Variants in ZYG11B observed in about 807,000 individuals in gnomAD.
The protein encoded by ZYG11B is protein zyg-11 homolog B.
Under a neutral mutation model 82.4 loss-of-function variants are expected in ZYG11B, and 36 were observed. The ratio of observed to expected loss-of-function variants is 0.44; its 90% CI spans 0.33 to 0.58. ZYG11B has a LOEUF of 0.58. Ranked by LOEUF, ZYG11B falls within the 20% of genes least tolerant of loss-of-function variation. ZYG11B has a pLI of 0.02. For missense variants in ZYG11B, 552 were observed against 895.6 expected, an observed-to-expected ratio of 0.62 and a Z score of 4.90; for synonymous variants, 303 against 312.8, an observed-to-expected ratio of 0.97 and a Z score of 0.33.
intron 13 of ZYG11B, among the ~76,000 whole-genome samples, chr1:52,820,070 C>T (rs941031670): frequency 2.6e-5 from 4 of 151,110 alleles, no homozygotes; most frequent in Admixed American, 6.6e-5. Context: ...CCTGCCACCA[C>T]GCCTGGCTAA....
intron 1 of ZYG11B, among the ~76,000 whole-genome samples, chr1:52,750,237 G>C (rs1213517381): frequency 6.6e-6 from 1 of 150,908 alleles, no homozygotes; most frequent in African/African-American, 2.4e-5. Flanking sequence ...TGCTGGGCTT[G>C]CAAGTGTGAG....
intron 2 of ZYG11B, among the ~76,000 whole-genome samples, chr1:52,760,561 T>C (rs1168608983): frequency 6.6e-6 from 1 of 152,204 alleles, no homozygotes; most frequent in Non-Finnish European, 1.5e-5. Context: ...ACTTATTTAC[T>C]CAATTCAAAG....
intron 5 of ZYG11B, among the ~76,000 whole-genome samples, chr1:52,785,831 A>G (rs1176534554): frequency 1.3e-5 from 2 of 152,190 alleles, no homozygotes; most frequent in Non-Finnish European, 2.9e-5. Context: ...AACCAAGTAA[A>G]AATGGCAAGC....
chr1:52,748,360 C>T (rs1337696387), intron 1 of ZYG11B, among the ~76,000 whole-genome samples: 1 of 151,658 alleles, frequency 6.6e-6, no homozygotes. Context: ...CTTTCTGAGC[C>T]TCAGTTTACT....
In ZYG11B at chr1:52,805,016, G is replaced by T. The variant is rs182515810; in HGVS notation, c.1695+2877G>T. 8.2e-3 allele frequency: 1,234 copies of T among 151,112 alleles called. 17 individuals are homozygous for T. The Middle Eastern group carries it at 0.12, about 15-fold the overall frequency. 9.4% of individuals were successfully genotyped at this position (151,112 alleles called of 1,614,324 possible). Reference sequence around the variant, plus strand: ...TGAGGCAGGAGAATCACTTGAACCCGGGAGGCGGGGGTTGCTGTGAGCCGA... The same window carrying T: ...TGAGGCAGGAGAATCACTTGAACCCTGGAGGCGGGGGTTGCTGTGAGCCGA... On this transcript the variant is annotated intron_variant, in intron 10 of 13. Coordinates refer to ENST00000294353, the MANE Select transcript of ZYG11B (RefSeq NM_024646.3).
At position 52,823,284 on chromosome 1, in the gene ZYG11B, T is replaced by C. The variant is rs1354373107; in HGVS notation, c.*1655T>C. The C allele has an allele frequency of 6.6e-6, 1 of 151,488 alleles. No individual in the cohort carries two copies. The highest frequency in any genetic ancestry group is 1.5e-5 in the Non-Finnish European group (1 of 67,934). The allele number at this position is 151,488 out of a possible 1,614,324, so 9.4% of individuals were successfully genotyped here. A position where few individuals can be genotyped will look rare whatever the true frequency, so the allele number is the denominator to read the frequency against. On this transcript the variant is annotated 3_prime_UTR_variant, in exon 14 of 14. Coordinates refer to ENST00000294353, the MANE Select transcript of ZYG11B (RefSeq NM_024646.3). ...GCCTGGGCAACATAGTGAGACTCGGTCTCTACCAAAAAAAAAAATTTTTTT... is the reference window on the plus strand; with the variant it reads ...GCCTGGGCAACATAGTGAGACTCGGCCTCTACCAAAAAAAAAAATTTTTTT...
intron 1 of ZYG11B, among the ~76,000 whole-genome samples, chr1:52,734,477 C>CA (rs1013738648): frequency 1.6e-4 from 23 of 143,952 alleles, no homozygotes; most frequent in South Asian, 4.4e-4. Context: ...GTTGCCATCT[C>CA]AAAAAAAAAT....
At chr1:52,795,668 C>G (rs920323749) in intron 6 of ZYG11B, among the ~76,000 whole-genome samples, 2 of 152,160 alleles carry the variant, frequency 1.3e-5, no homozygotes, top group African/African-American at 4.8e-5. Context: ...TTCAATGAGG[C>G]CTTCCGTAGC....
At chr1:52,772,654 C>A (rs563699897) in intron 3 of ZYG11B, 7 of 825,416 alleles carry the variant, frequency 8.5e-6, no homozygotes, top group Non-Finnish European at 1.5e-5. Flanking sequence ...CCCATGATGG[C>A]GGCGATCAGG....
At chr1:52,747,936 TTTATAGAATTC>T (rs1357380214) in intron 1 of ZYG11B, among the ~76,000 whole-genome samples, 1 of 152,332 alleles carries the variant, frequency 6.6e-6, no homozygotes, top group East Asian at 1.9e-4. Flanking sequence ...TGGAATTTAA[TTTATAGAATTC>T]TTATGAGAAA....
intron 2 of ZYG11B, among the ~76,000 whole-genome samples, chr1:52,766,804 C>T (rs1256570915): frequency 2.0e-5 from 3 of 152,078 alleles, no homozygotes; most frequent in Non-Finnish European, 4.4e-5. Flanking sequence ...GTCAGGAGAT[C>T]AAGACCATCC....
chr1:52,781,268 G>A (rs1644853659), intron 4 of ZYG11B, among the ~76,000 whole-genome samples: 2 of 152,042 alleles, frequency 1.3e-5, no homozygotes, highest in African/African-American at 4.8e-5. Context: ...GGAAGCCAAG[G>A]CAGGCAGATC....
chr1:52,805,113 A>T (rs111856499), intron 10 of ZYG11B: 5,507 of 144,244 alleles, frequency 0.038, 321 homozygotes, highest in African/African-American at 0.14. Flanking sequence ...AAAAAAAAAA[A>T]ATGGAACACT....
At chr1:52,798,773 A>G (rs1474919774) in intron 8 of ZYG11B, among the ~76,000 whole-genome samples, 1 of 152,208 alleles carries the variant, frequency 6.6e-6, no homozygotes, top group East Asian at 1.9e-4. Context: ...TAAGACTAGT[A>G]AACCACGAAA....
chr1:52,748,431 T>A (rs1474891612), intron 1 of ZYG11B, among the ~76,000 whole-genome samples: 5 of 152,262 alleles, frequency 3.3e-5, no homozygotes, highest in Admixed American at 1.3e-4. Flanking sequence ...CATAGGTGGC[T>A]GGCACCACAC....
intron 1 of ZYG11B, among the ~76,000 whole-genome samples, chr1:52,733,115 AG>A (rs1558114466): frequency 6.6e-6 from 1 of 152,192 alleles, no homozygotes; most frequent in Non-Finnish European, 1.5e-5. Context: ...AGTTCTCTGT[AG>A]GATCATCATT....
Position 52,762,730 on chromosome 1 carries a change from C to T in ZYG11B, c.196+6107C>T, listed in dbSNP as rs148658652. On this transcript the variant is annotated intron_variant, in intron 2 of 13. Transcript: ENST00000294353. ...CAAGTAGCTGGGAGTTACAGGTGCC[C>T]GCCACCATGTCCAGCTAATTTTTGT... Among the ~76,000 whole-genome samples the T allele has an allele frequency of 5.4e-4, 82 of 151,846 alleles. 1 individual carries two copies. In the East Asian group the frequency reaches 0.014, roughly 27 times the overall value.
At position 52,756,582 on chromosome 1, in the gene ZYG11B, A is replaced by G. The variant is rs1009426845; in HGVS notation, c.155A>G (p.Gln52Arg). The G allele has an allele frequency of 6.2e-7, 1 of 1,613,986 alleles. No individual in the cohort carries two copies. ...LCLQEPGVFP[Q>R]EVADRLLRTM... The stretch of plus-strand genomic sequence containing the variant: ...CTGCAGGAACCTGGAGTATTCCCAC[A>G]GGAGGTGGCTGATCGACTGCTTCGG... Residue 52 changes from glutamine (Q) to arginine (R), a missense_variant, in exon 2 of 14, where the codon CAG (glutamine) becomes CGG (arginine). This residue lies in a region of ZYG11B where 359 missense variants were observed against 555.8 expected (regional missense o/e 0.65). Transcript: ENST00000294353.
At chr1:52,793,452 C>G (rs1347215367) in intron 6 of ZYG11B, among the ~76,000 whole-genome samples, 2 of 152,118 alleles carry the variant, frequency 1.3e-5, no homozygotes, top group Non-Finnish European at 2.9e-5. Context: ...AATTGTGCCA[C>G]TGCACCCCAG....
Sources: gnomAD v4.1 joint callset for allele counts (sites outside exome capture counted in the v4.1 genomes callset) on GRCh38, gnomAD v4.1.1 for gene constraint, gnomAD v4.1.1 regional missense constraint, MANE v1.5 for transcripts, NCBI Gene and HGNC (gene_info 2026-07-23, HGNC 2026-07-21) for gene names.